Variants in COL7A1 observed in about 807,000 individuals in gnomAD.
COL7A1 encodes collagen type VII alpha 1 chain.
A neutral mutation model predicts 456.2 loss-of-function variants in COL7A1; 296 were observed. The observed-to-expected ratio is 0.65, with a 90% CI of 0.59 to 0.71. The LOEUF (loss-of-function observed/expected upper bound fraction) is 0.71. COL7A1 is among the 30% of genes least tolerant of loss of function. COL7A1 has a pLI of 0.00. For synonymous variants in COL7A1, 1,464 were observed against 1,525.9 expected, an observed-to-expected ratio of 0.96 and a Z score of 0.95; for missense variants, 3,441 against 4,017.2, an observed-to-expected ratio of 0.86 and a Z score of 3.88.
In COL7A1 at chr3:48,575,182, C is replaced by A; in HGVS notation, c.6216+25G>T. ...CCCAGCACAGCCTCCAGACAGCCTG[C>A]CCCACGAAGCCCATCGCAGCCCACC... On this transcript the variant is annotated intron_variant, in intron 75 of 118. Coordinates refer to ENST00000681320, the MANE Select transcript of COL7A1 (RefSeq NM_000094.4). This position sits in a 1 kb window ranked among gnomAD's most constrained non-coding sequence, Gnocchi z 6.3. The A allele has an allele frequency of 6.2e-7, 1 of 1,614,006 alleles. No individual in the cohort carries two copies. The highest frequency in any genetic ancestry group is 1.1e-5 in the South Asian group (1 of 91,080).
In COL7A1 at chr3:48,568,878, G is replaced by A. The variant is rs780633298; in HGVS notation, c.7687-23C>T. 8 of 1,562,264 alleles carry A rather than the reference G, an allele frequency of 5.1e-6. No individual in the cohort carries two copies. In the Admixed American group the frequency reaches 1.5e-4, roughly 30 times the overall value. ...GCCCTGTGGGAGTGACCAGGAGAGG[G>A]ATTCAGTCAGGACCAGATCAGGCTG... On this transcript the variant is annotated intron_variant, in intron 103 of 118. Coordinates refer to ENST00000681320, the MANE Select transcript of COL7A1 (RefSeq NM_000094.4). This position sits in a 1 kb window ranked among gnomAD's most constrained non-coding sequence, Gnocchi z 5.2.
Position 48,567,778 on chromosome 3 carries a change from C to A in COL7A1, c.7930-15G>T. The A allele has an allele frequency of 6.2e-7, 1 of 1,614,194 alleles. No individual in the cohort carries two copies. Among genetic ancestry groups the A allele is most frequent in the Non-Finnish European group, 8.5e-7 (1 of 1,180,032 alleles). ...CCAGCTTCTCCCTGCAGGCATCAGG[C>A]AGTGGGGTGAGCCTTAGGCCCCAGG... is the stretch of plus-strand genomic sequence containing the variant. On this transcript the variant is annotated splice_polypyrimidine_tract_variant and intron_variant, in intron 107 of 118. Transcript: ENST00000681320. The surrounding 1 kb of genome is among the most constrained non-coding windows in gnomAD (Gnocchi z 4.3).
In COL7A1 at chr3:48,580,904, T is replaced by C; in HGVS notation, c.4958A>G (p.Lys1653Arg). The change falls in exon 54 of 119, where the codon AAA becomes AGA. Residue 1653 changes from lysine to arginine, a missense_variant. Transcript: ENST00000681320. The surrounding 1 kb of genome is among the most constrained non-coding windows in gnomAD (Gnocchi z 4.5). ...CACCCGAAGGCCACGCTCGCCTGCT[T>C]TTCCAGGCAAACCCGGGTCACCCTG... ...GPPGDPGLPG[K>R]AGERGLRGAP... is the part of the protein sequence containing the mutation. 1 of 1,614,080 alleles carries C rather than the reference T, an allele frequency of 6.2e-7. No homozygotes were observed. Among genetic ancestry groups the C allele is most frequent in the Non-Finnish European group, 8.5e-7 (1 of 1,180,002 alleles).
chr3:48,580,019 C>T lies in COL7A1; in HGVS notation c.5124+12G>A, dbSNP rs780294370. The T allele has an allele frequency of 3.5e-5, 57 of 1,613,868 alleles. No individual in the cohort carries two copies. In the South Asian group the frequency reaches 4.5e-4, roughly 13 times the overall value. On this transcript the variant is annotated intron_variant, in intron 57 of 118. Transcript: ENST00000681320. The surrounding 1 kb of genome is among the most constrained non-coding windows in gnomAD (Gnocchi z 4.5). ...AACAATGACAGAGGACCAGACCCAG[C>T]GCAGCCCTTACCAGCCGTCCCGGGG...
Position 48,585,158 on chromosome 3 carries a change from C to T in COL7A1, c.3895-42G>A, listed in dbSNP as rs754241995. 2.5e-6 allele frequency: 4 copies of T among 1,597,910 alleles called. No homozygotes were observed. Among genetic ancestry groups the T allele is most frequent in the Non-Finnish European group, 3.4e-6 (4 of 1,171,864 alleles). On this transcript the variant is annotated intron_variant, in intron 32 of 118. Coordinates refer to ENST00000681320, the MANE Select transcript of COL7A1 (RefSeq NM_000094.4). The surrounding 1 kb of genome is among the most constrained non-coding windows in gnomAD (Gnocchi z 4.5). ...GTCAGGACAGGAAGGGACCCTCCCCCAAGGCCCCTGGTTTGCTGGAGGGGC... is the reference window on the plus strand; with the variant it reads ...GTCAGGACAGGAAGGGACCCTCCCCTAAGGCCCCTGGTTTGCTGGAGGGGC...
In COL7A1 at chr3:48,590,075, G is replaced by A. The variant is rs577224111; in HGVS notation, c.2050+138C>T. On this transcript the variant is annotated intron_variant, in intron 16 of 118. Coordinates refer to ENST00000681320, the MANE Select transcript of COL7A1 (RefSeq NM_000094.4). This position sits in a 1 kb window ranked among gnomAD's most constrained non-coding sequence, Gnocchi z 4.6. ...CAGCTGAAACTGAAGAGGAAGCAGCGTCTCTGAGGGAGGAGGGAGTGGGAT... is the reference window on the plus strand; with the variant it reads ...CAGCTGAAACTGAAGAGGAAGCAGCATCTCTGAGGGAGGAGGGAGTGGGAT... 18 of 930,726 alleles carry A rather than the reference G, an allele frequency of 1.9e-5. No individual in the cohort carries two copies. Among genetic ancestry groups the A allele is most frequent in the African/African-American group, 3.3e-5 (2 of 61,150 alleles). 57.7% of individuals were successfully genotyped at this position (930,726 alleles called of 1,614,324 possible).
rs117723065 is a variant in COL7A1, at chr3:48,572,142, C to A, written c.7008G>T (p.Gly2336=). ...PGAKGDRGLP[G]PRGEKGEAGR... ...CCCACCTCACCTTCTCGCCTCGCGG[C>A]CCTGGCAGTCCTCGGTCACCTTTGG... is the stretch of plus-strand genomic sequence containing the variant. The change falls in exon 91 of 119, where the codon GGG becomes GGT. Residue 2336 remains glycine (G), a synonymous_variant. Transcript: ENST00000681320. The surrounding 1 kb of genome is among the most constrained non-coding windows in gnomAD (Gnocchi z 4.6). The A allele has an allele frequency of 1.2e-6, 2 of 1,614,028 alleles. No individual in the cohort carries two copies. Among genetic ancestry groups the A allele is most frequent in the Non-Finnish European group, 1.7e-6 (2 of 1,180,002 alleles).
rs2043553367 is a variant in COL7A1 at position 48,565,310 on chromosome 3, T to C, written c.8527+100A>G. On this transcript the variant is annotated intron_variant, in intron 116 of 118. Transcript: ENST00000681320. This position sits in a 1 kb window ranked among gnomAD's most constrained non-coding sequence, Gnocchi z 4.5. Reference sequence around the variant, plus strand: ...ACAGTGCCCATGCGTGTGCCCTGCATGCAGACCCTACGTGCTTGGCGTGTG... The same window carrying C: ...ACAGTGCCCATGCGTGTGCCCTGCACGCAGACCCTACGTGCTTGGCGTGTG... The C allele has an allele frequency of 1.3e-6, 2 of 1,503,106 alleles. No homozygotes were observed. Among genetic ancestry groups the C allele is most frequent in the East Asian group, 4.8e-5 (2 of 42,012 alleles). 93.1% of individuals were successfully genotyped at this position (1,503,106 alleles called of 1,614,324 possible). A position where few individuals can be genotyped will look rare whatever the true frequency, so the allele number is the denominator to read the frequency against.
In COL7A1 at chr3:48,580,050, G is replaced by C. The variant is rs1270080886; in HGVS notation, c.5105C>G (p.Pro1702Arg). The C allele has an allele frequency of 6.2e-7, 1 of 1,613,850 alleles. No homozygotes were observed. The highest frequency in any genetic ancestry group is 2.2e-5 in the East Asian group (1 of 44,870). ...PKGDRGEPGP[P>R]GPPGRLVDTG... Reference sequence around the variant, plus strand: ...CCTTACCAGCCGTCCCGGGGGTCCTGGGGGACCCTGGGAAAGGAAATGATT... The same window carrying C: ...CCTTACCAGCCGTCCCGGGGGTCCTCGGGGACCCTGGGAAAGGAAATGATT... The change falls in exon 57 of 119, where the codon CCA becomes CGA. Residue 1702 changes from proline to arginine, a missense_variant. Pro to Arg is a moderately radical substitution (Grantham distance 103). Coordinates refer to ENST00000681320, the MANE Select transcript of COL7A1 (RefSeq NM_000094.4). The surrounding 1 kb of genome is among the most constrained non-coding windows in gnomAD (Gnocchi z 4.5).
At position 48,580,464 on chromosome 3, in the gene COL7A1, A is replaced by G. The variant is rs2044665366; in HGVS notation, c.5052+117T>C. On this transcript the variant is annotated intron_variant, in intron 55 of 118. Coordinates refer to ENST00000681320, the MANE Select transcript of COL7A1 (RefSeq NM_000094.4). The surrounding 1 kb of genome is among the most constrained non-coding windows in gnomAD (Gnocchi z 4.5). ...TTCAGATGCGTGTGTGCAGGGGTCA[A>G]AGGAAGTGAAGATTGGGAGGGTTTA... 5 of 1,471,248 alleles carry G rather than the reference A, an allele frequency of 3.4e-6. No homozygotes were observed. Among genetic ancestry groups the G allele is most frequent in the Non-Finnish European group, 4.7e-6 (5 of 1,065,352 alleles). The allele number at this position is 1,471,248 out of a possible 1,614,324, so 91.1% of individuals were successfully genotyped here. A position where few individuals can be genotyped will look rare whatever the true frequency, so the allele number is the denominator to read the frequency against.
rs2045410369 is a variant in COL7A1 at position 48,588,061 on chromosome 3, C to T, written c.2711-122G>A. On this transcript the variant is annotated intron_variant, in intron 21 of 118. Transcript: ENST00000681320. The surrounding 1 kb of genome is among the most constrained non-coding windows in gnomAD (Gnocchi z 4.6). ...GTTCACCCTCCTGACTGATCTTCCT[C>T]ATCCTCACTGACCCTGCCCACTTTA... 1 of 1,363,370 alleles carries T rather than the reference C, an allele frequency of 7.3e-7. No individual in the cohort carries two copies. The highest frequency in any genetic ancestry group is 2.5e-5 in the East Asian group (1 of 39,860). 84.5% of individuals were successfully genotyped at this position (1,363,370 alleles called of 1,614,324 possible).
In COL7A1 at chr3:48,565,748, G is replaced by T; in HGVS notation, c.8408-80C>A. On this transcript the variant is annotated intron_variant, in intron 114 of 118. Coordinates refer to ENST00000681320, the MANE Select transcript of COL7A1 (RefSeq NM_000094.4). This position sits in a 1 kb window ranked among gnomAD's most constrained non-coding sequence, Gnocchi z 4.5. ...TGGAGAGACAGACAGAGACACACAGGCAGAGGGGTAGAGATACACAAAGAG... is the reference window on the plus strand; with the variant it reads ...TGGAGAGACAGACAGAGACACACAGTCAGAGGGGTAGAGATACACAAAGAG... 7.4e-7 allele frequency: 1 copy of T among 1,358,850 alleles called. No homozygotes were observed. Among genetic ancestry groups the T allele is most frequent in the Non-Finnish European group, 1.0e-6 (1 of 969,672 alleles). The allele number at this position is 1,358,850 out of a possible 1,614,324, so 84.2% of individuals were successfully genotyped here.
In COL7A1 at chr3:48,593,071, G is replaced by A; in HGVS notation, c.682+31C>T. 1 of 1,614,062 alleles carries A rather than the reference G, an allele frequency of 6.2e-7. No homozygotes were observed. Among genetic ancestry groups the A allele is most frequent in the Non-Finnish European group, 8.5e-7 (1 of 1,180,008 alleles). On this transcript the variant is annotated intron_variant, in intron 6 of 118. Coordinates refer to ENST00000681320, the MANE Select transcript of COL7A1 (RefSeq NM_000094.4). The surrounding 1 kb of genome is among the most constrained non-coding windows in gnomAD (Gnocchi z 4.4). Reference sequence around the variant, plus strand: ...GTGGGGATTGGGGTCCGGGGTCTAGGTCAGGGTACACCGTGTGGGCAGGAA... The same window carrying A: ...GTGGGGATTGGGGTCCGGGGTCTAGATCAGGGTACACCGTGTGGGCAGGAA...
chr3:48,573,998 C>A lies in COL7A1; in HGVS notation c.6502-108G>T. The A allele has an allele frequency of 7.0e-7, 1 of 1,418,822 alleles. No individual in the cohort carries two copies. The highest frequency in any genetic ancestry group is 1.4e-5 in the African/African-American group (1 of 70,470). 87.9% of individuals were successfully genotyped at this position (1,418,822 alleles called of 1,614,324 possible). A position where few individuals can be genotyped will look rare whatever the true frequency, so the allele number is the denominator to read the frequency against. ...GTCAATTTCCATACCTCACCCTTTC[C>A]AGTCACAGATAATACCTACCCATGG... is the stretch of plus-strand genomic sequence containing the variant. On this transcript the variant is annotated intron_variant, in intron 80 of 118. Coordinates refer to ENST00000681320, the MANE Select transcript of COL7A1 (RefSeq NM_000094.4). The surrounding 1 kb of genome is among the most constrained non-coding windows in gnomAD (Gnocchi z 5.5).
rs1439137820 is a variant in COL7A1, at chr3:48,565,659, C to T, written c.8417G>A (p.Gly2806Asp). 1 of 1,613,540 alleles carries T rather than the reference C, an allele frequency of 6.2e-7. No individual in the cohort carries two copies. Among genetic ancestry groups the T allele is most frequent in the South Asian group, 1.1e-5 (1 of 90,940 alleles). Residue 2806 changes from glycine to aspartate, a missense_variant, in exon 115 of 119, where the codon GGC (glycine) becomes GAC (aspartate). Around this residue, in one of 3 missense-constraint regions of COL7A1, gnomAD observed 2,084 missense variants for 2,501.3 expected, o/e 0.83. Transcript: ENST00000681320. This position sits in a 1 kb window ranked among gnomAD's most constrained non-coding sequence, Gnocchi z 4.5. ...ACGTGATCCAGATGCGATGAACTGG[C>T]CCTGGCAGGCTAGAGGGGGCAGAGA... is the stretch of plus-strand genomic sequence containing the variant. ...QEMSQHCACQ[G>D]QFIASGSRPL...
Position 48,570,583 on chromosome 3 carries a change from A to C in COL7A1, c.7344+56T>G. ...CCACAGTGTGGCCCGCCCCATCCTA[A>C]GTCCTCACGAGGACAGGAAATCAAA... On this transcript the variant is annotated intron_variant, in intron 96 of 118. Coordinates refer to ENST00000681320, the MANE Select transcript of COL7A1 (RefSeq NM_000094.4). The surrounding 1 kb of genome is among the most constrained non-coding windows in gnomAD (Gnocchi z 5.5). The C allele has an allele frequency of 6.2e-7, 1 of 1,613,000 alleles. No individual in the cohort carries two copies. Among genetic ancestry groups the C allele is most frequent in the Non-Finnish European group, 8.5e-7 (1 of 1,179,316 alleles).
In COL7A1 at chr3:48,572,132, C is replaced by T. The variant is rs547936907; in HGVS notation, c.7018G>A (p.Glu2340Lys). 10 of 1,614,046 alleles carry T rather than the reference C, an allele frequency of 6.2e-6. No individual in the cohort carries two copies. Among genetic ancestry groups the T allele is most frequent in the African/African-American group, 4.0e-5 (3 of 75,046 alleles). Residue 2340 changes from glutamate (E) to lysine (K), a missense_variant, in exon 91 of 119, where the codon GAG (glutamate) becomes AAG (lysine). Glu to Lys is a moderately conservative substitution (Grantham distance 56). Around this residue, in one of 3 missense-constraint regions of COL7A1, gnomAD observed 2,084 missense variants for 2,501.3 expected, o/e 0.83. Transcript: ENST00000681320. The surrounding 1 kb of genome is among the most constrained non-coding windows in gnomAD (Gnocchi z 4.6). ...CCAGGGCCAACCCACCTCACCTTCT[C>T]GCCTCGCGGCCCTGGCAGTCCTCGG... Reference protein sequence around the residue: ...GDRGLPGPRGEKGEAGRAGEP... With the variant: ...GDRGLPGPRGKKGEAGRAGEP...
In COL7A1 at chr3:48,568,451, G is replaced by C. The variant is rs557508751; in HGVS notation, c.7794+48C>G. ...CACTGGTGGGACCACCATGGTGACG[G>C]GGGCCCTCTGGGGACAGGGGGCCCC... On this transcript the variant is annotated intron_variant, in intron 105 of 118. Transcript: ENST00000681320. The surrounding 1 kb of genome is among the most constrained non-coding windows in gnomAD (Gnocchi z 5.2). 6.4e-7 allele frequency: 1 copy of C among 1,558,322 alleles called. No individual in the cohort carries two copies. The highest frequency in any genetic ancestry group is 1.2e-5 in the South Asian group (1 of 86,926).
chr3:48,582,871 G>T, intron 44 of COL7A1, 142 bp downstream of exon 44: 3 of 1,344,660 alleles, frequency 2.2e-6, no homozygotes, highest in Non-Finnish European at 3.2e-6. Context: ...TGGGGCTGAG[G>T]GTTAGAGCCT....
Sources: allele counts gnomAD v4.1 joint callset, GRCh38; gene constraint gnomAD v4.1.1; regional missense constraint gnomAD v4.1.1; non-coding constraint Gnocchi (gnomAD v3.1); transcripts MANE v1.5; gene names NCBI Gene and HGNC (gene_info 2026-07-23, HGNC 2026-07-21).